Variants in MIA2 observed in about 807,000 individuals in gnomAD.
The protein encoded by MIA2 is melanoma inhibitory activity protein 2.
In MIA2, 127 loss-of-function variants were observed where a neutral mutation model predicts 167.8. The ratio of observed to expected loss-of-function variants is 0.76; its 90% confidence interval spans 0.66 to 0.88. The LOEUF (loss-of-function observed/expected upper bound fraction) is 0.88. Ranked by LOEUF, MIA2 falls within the 40% of genes least tolerant of loss-of-function variation. The pLI, the probability that MIA2 is intolerant of heterozygous loss-of-function variation, is 0.00. For missense variants in MIA2, 1,690 were observed against 1,624.7 expected, an observed-to-expected ratio of 1.04 and a Z score of -0.69; for synonymous variants, 552 against 541.9, an observed-to-expected ratio of 1.02 and a Z score of -0.26.
chr14:39,287,412 G>A (rs1021279933), intron 9 of MIA2, among the ~76,000 whole-genome samples: 1 of 151,950 alleles, frequency 6.6e-6, no homozygotes, highest in African/African-American at 2.4e-5. Flanking sequence ...GTGGTTGTGG[G>A]CATCCTTGCT....
intron 17 of MIA2, 148 bp from the exon 18 acceptor site, chr14:39,308,301 T>C (rs2152917708): frequency 2.0e-6 from 1 of 503,720 alleles, no homozygotes; most frequent in South Asian, 4.1e-5. Flanking sequence ...AGCATTTAGG[T>C]AAACAGAATC....
At chr14:39,342,187 G>C (rs1429878141) in intron 25 of MIA2, among the ~76,000 whole-genome samples, 1 of 134,982 alleles carries the variant, frequency 7.4e-6, no homozygotes, top group Non-Finnish European at 1.6e-5. Flanking sequence ...ACAGTCCCCG[G>C]TGTGTGATGT....
At chr14:39,311,791 T>C (rs1469317471) in intron 18 of MIA2, among the ~76,000 whole-genome samples, 1 of 142,860 alleles carries the variant, frequency 7.0e-6, no homozygotes, top group Non-Finnish European at 1.5e-5. Flanking sequence ...TGCCTGGCCC[T>C]TGATGTGTTA....
intron 22 of MIA2, 44 bp downstream of exon 22, chr14:39,318,055 T>C (rs1357191918): frequency 5.8e-6 from 8 of 1,382,814 alleles, no homozygotes; most frequent in Non-Finnish European, 7.0e-6. Context: ...TATTCTGTTA[T>C]TTCGTTAATT....
chr14:39,248,138 T>A lies in MIA2; in HGVS notation c.1564T>A (p.Ser522Thr), dbSNP rs1257831581. ...GATATTCAAAAGTTCATACAGTCTG[T>A]CAGGTTGGTATGAAAATATTTACAT... ...VMIFKSSYSL[S>T]DMVSNIELPT... The change falls in exon 4 of 29, where the codon TCA becomes ACA. Residue 522 changes from serine to threonine, a missense_variant. Ser to Thr is a moderately conservative substitution (Grantham distance 58). Coordinates refer to ENST00000640607, the MANE Select transcript of MIA2 (RefSeq NM_001329214.4). 7.1e-7 allele frequency: 1 copy of A among 1,409,436 alleles called. No homozygotes were observed. The highest frequency in any genetic ancestry group is 1.5e-5 in the African/African-American group (1 of 68,666). 87.3% of individuals were successfully genotyped at this position (1,409,436 alleles called of 1,614,324 possible).
intron 16 of MIA2, among the ~76,000 whole-genome samples, chr14:39,303,919 A>G (rs2062915914): frequency 6.6e-6 from 1 of 151,516 alleles, no homozygotes; most frequent in East Asian, 1.9e-4. Flanking sequence ...TCTCTTTTCC[A>G]CCCTAGTAGT....
chr14:39,323,912 A>G (rs1399861305), intron 24 of MIA2, among the ~76,000 whole-genome samples: 1 of 152,252 alleles, frequency 6.6e-6, no homozygotes, highest in African/African-American at 2.4e-5. Context: ...AAAAAGCTAC[A>G]GAAGTTCTAG....
At chr14:39,288,449 A>ATTTTTTTTTTTTTTTT in intron 9 of MIA2, among the ~76,000 whole-genome samples, 1 of 4,376 alleles carries the variant, frequency 2.3e-4, no homozygotes, top group East Asian at 4.0e-3. Flanking sequence ...ATATATATAT[A>ATTTTTTTTTTTTTTTT]TATATATATA....
chr14:39,356,971 A>G (rs1054779430), intron 23 of MIA2, among the ~76,000 whole-genome samples: 2 of 152,186 alleles, frequency 1.3e-5, no homozygotes, highest in South Asian at 2.1e-4. Flanking sequence ...TTTACTTCCA[A>G]CTATGTGGTC....
chr14:39,296,359 A>G lies in MIA2; in HGVS notation c.2496+1330A>G, dbSNP rs537553712. Among the ~76,000 whole-genome samples the G allele has an allele frequency of 2.6e-5, 4 of 151,762 alleles. No homozygotes were observed. In the South Asian group the frequency reaches 8.3e-4, roughly 32 times the overall value. ...CTCAAAATTTTGACACTGTCACTCC[A>G]TTGTCTTGACTTTCCAATATTGCTT... On this transcript the variant is annotated intron_variant, in intron 13 of 28. Coordinates refer to ENST00000640607, the MANE Select transcript of MIA2 (RefSeq NM_001329214.4).
chr14:39,342,142 A>G (rs865850737), intron 25 of MIA2, among the ~76,000 whole-genome samples: 2 of 151,376 alleles, frequency 1.3e-5, no homozygotes, highest in Non-Finnish European at 2.9e-5. Flanking sequence ...AGCATTAGGT[A>G]TCTCTCCTAA....
intron 23 of MIA2, chr14:39,386,093 C>G: frequency 7.8e-7 from 1 of 1,274,204 alleles, no homozygotes; most frequent in East Asian, 2.3e-5. Flanking sequence ...GCAGCACACT[C>G]CAGGGTGCTT....
At chr14:39,275,435 G>A (rs1193173902) in intron 6 of MIA2, among the ~76,000 whole-genome samples, 2 of 152,166 alleles carry the variant, frequency 1.3e-5, no homozygotes, top group Non-Finnish European at 2.9e-5. Context: ...CCCGGCCCTA[G>A]CTCAATGCTT....
chr14:39,356,411 A>AT (rs71435650), intron 23 of MIA2, among the ~76,000 whole-genome samples: 46,445 of 151,644 alleles, frequency 0.31, 7,586 homozygotes, highest in East Asian at 0.51. Flanking sequence ...CCCCTTTATC[A>AT]TTTTTTATTG....
chr14:39,286,433 T>TGGAGAGG (rs543010963), intron 9 of MIA2, among the ~76,000 whole-genome samples: 184 of 152,170 alleles, frequency 1.2e-3, no homozygotes, highest in Middle Eastern at 3.4e-3. Context: ...AGGGAGACTG[T>TGGAGAGG]GGAGAGGGGA....
rs141722164 is a variant in MIA2, at chr14:39,247,902, C to A, written c.1328C>A (p.Pro443Gln). Reference sequence around the variant, plus strand: ...ACAGAAGATCAAATAGACAAGAAACCAGTCTCAGAAAAAACAGACGAATCT... The same window carrying A: ...ACAGAAGATCAAATAGACAAGAAACAAGTCTCAGAAAAAACAGACGAATCT... ...IETEDQIDKK[P>Q]VSEKTDESDT... The change falls in exon 4 of 29, where the codon CCA (proline) becomes CAA (glutamine). Residue 443 changes from proline (P) to glutamine (Q), a missense_variant. By Grantham distance (76) the Pro-to-Gln change is moderately conservative. Transcript: ENST00000640607. The A allele has an allele frequency of 7.4e-5, 117 of 1,589,028 alleles. No homozygotes were observed. Among genetic ancestry groups the A allele is most frequent in the African/African-American group, 6.8e-4 (50 of 73,114 alleles).
chr14:39,313,412 C>A lies in MIA2; in HGVS notation c.3090C>A (p.Ser1030Arg). The change falls in exon 19 of 29, where the codon AGC (serine) becomes AGA (arginine). Residue 1030 changes from serine (S) to arginine (R), a missense_variant. Coordinates refer to ENST00000640607, the MANE Select transcript of MIA2 (RefSeq NM_001329214.4). ...TTTCTAAAGTAGATGAAAAGATCAGCCATGCCACTGAAGAGCTGGAGACCT... is the reference window on the plus strand; with the variant it reads ...TTTCTAAAGTAGATGAAAAGATCAGACATGCCACTGAAGAGCTGGAGACCT... The part of the protein sequence containing the change: ...EKLSKVDEKI[S>R]HATEELETYR... 2 of 1,602,384 alleles carry A rather than the reference C, an allele frequency of 1.2e-6. No individual in the cohort carries two copies. Among genetic ancestry groups the A allele is most frequent in the Non-Finnish European group, 1.7e-6 (2 of 1,174,488 alleles).
intron 25 of MIA2, among the ~76,000 whole-genome samples, chr14:39,345,256 T>G (rs986098944): frequency 6.6e-6 from 1 of 152,034 alleles, no homozygotes; most frequent in Non-Finnish European, 1.5e-5. Flanking sequence ...ATATTTTTAG[T>G]AGAGACAGGG....
chr14:39,378,246 A>T (rs2075082265), intron 23 of MIA2, among the ~76,000 whole-genome samples: 1 of 152,246 alleles, frequency 6.6e-6, no homozygotes, highest in African/African-American at 2.4e-5. Context: ...TTTGAAAAAC[A>T]AAAAGAATCA....
Sources: gnomAD v4.1 joint callset for allele counts (sites outside exome capture counted in the v4.1 genomes callset) on GRCh38, gnomAD v4.1.1 for gene constraint, MANE v1.5 for transcripts, NCBI Gene and HGNC (gene_info 2026-07-23, HGNC 2026-07-21) for gene names.